AK5: variants seen among roughly 807,000 people sequenced by gnomAD.
The protein encoded by AK5 is adenylate kinase 5, also known as adenylate kinase isoenzyme 5.
AK5 carries 27 observed loss-of-function variants against 69.5 expected under a neutral mutation model. The observed-to-expected ratio is 0.39, with a 90% CI of 0.29 to 0.54. AK5 has a LOEUF of 0.54. Among genes scored for constraint, AK5 ranks in the 20% least tolerant of loss-of-function variants. The pLI, the probability that AK5 is intolerant of heterozygous loss-of-function variation, is 0.71. For synonymous variants in AK5, 260 were observed against 244.4 expected, an observed-to-expected ratio of 1.06 and a Z score of -0.60; for missense variants, 531 against 700.4, an observed-to-expected ratio of 0.76 and a Z score of 2.73.
At chr1:77,513,031 A>G (rs1657439199) in intron 10 of AK5, among the ~76,000 whole-genome samples, 1 of 152,206 alleles carries the variant, frequency 6.6e-6, no homozygotes, top group South Asian at 2.1e-4. Context: ...AGAAATTAAA[A>G]GATTGCTCTA....
intron 10 of AK5, among the ~76,000 whole-genome samples, chr1:77,511,790 G>C (rs1294795848): frequency 6.6e-6 from 1 of 152,206 alleles, no homozygotes; most frequent in Non-Finnish European, 1.5e-5. Flanking sequence ...TAGAACTGAA[G>C]TAGGGCAAAG....
At chr1:77,296,257 G>A (rs1011798037) in intron 3 of AK5, among the ~76,000 whole-genome samples, 2 of 152,042 alleles carry the variant, frequency 1.3e-5, no homozygotes. Flanking sequence ...GAACAGATAC[G>A]AATCTCTCTC....
chr1:77,509,896 G>T (rs1440746501), intron 10 of AK5, among the ~76,000 whole-genome samples: 1 of 152,146 alleles, frequency 6.6e-6, no homozygotes, highest in African/African-American at 2.4e-5. Flanking sequence ...GATGTTTATT[G>T]TGTGTTTCAC....
intron 10 of AK5, among the ~76,000 whole-genome samples, chr1:77,488,878 CT>C (rs1460696321): frequency 7.1e-6 from 1 of 141,700 alleles, no homozygotes; most frequent in Non-Finnish European, 1.5e-5. Flanking sequence ...AGGATCAATA[CT>C]TTGTATCCTT....
At chr1:77,453,331 T>A (rs544785929) in intron 8 of AK5, among the ~76,000 whole-genome samples, 12 of 152,360 alleles carry the variant, frequency 7.9e-5, no homozygotes, top group African/African-American at 2.6e-4. Context: ...GAATAAATAA[T>A]GTATTTGTAA....
At chr1:77,426,159 C>A (rs1651193245) in intron 8 of AK5, among the ~76,000 whole-genome samples, 1 of 152,134 alleles carries the variant, frequency 6.6e-6, no homozygotes, top group Non-Finnish European at 1.5e-5. Flanking sequence ...TTTCAGTGAT[C>A]TAAGCACACC....
chr1:77,385,424 G>T (rs1021172829), intron 6 of AK5, among the ~76,000 whole-genome samples: 1 of 152,142 alleles, frequency 6.6e-6, no homozygotes, highest in African/African-American at 2.4e-5. Flanking sequence ...CTCCCAAAGT[G>T]GTGGGATTAC....
chr1:77,478,494 C>G (rs1200254058), intron 8 of AK5, among the ~76,000 whole-genome samples: 1 of 152,196 alleles, frequency 6.6e-6, no homozygotes, highest in African/African-American at 2.4e-5. Context: ...ACTTGCTCCT[C>G]CTTCTCTTCC....
In AK5 at chr1:77,497,446, A is replaced by G. The variant is rs540134953; in HGVS notation, c.1147+11094A>G. Among the ~76,000 whole-genome samples, 8 of 152,362 alleles carry G rather than the reference A, an allele frequency of 5.3e-5. No homozygotes were observed. In the East Asian group the frequency reaches 7.7e-4, roughly 15 times the overall value. On this transcript the variant is annotated intron_variant, in intron 10 of 13. Transcript: ENST00000354567. The stretch of plus-strand genomic sequence containing the variant: ...ACACACCATCTTCATGAACTGTAAC[A>G]GTCACCACGAGGGTCCGTGGCTTCA...
At chr1:77,380,155 G>A (rs983626681) in intron 6 of AK5, among the ~76,000 whole-genome samples, 1 of 152,150 alleles carries the variant, frequency 6.6e-6, no homozygotes, top group African/African-American at 2.4e-5. Context: ...TCGGCAAGGT[G>A]GGATGCCAGA....
At chr1:77,541,429 A>T (rs752998387) in intron 13 of AK5, among the ~76,000 whole-genome samples, 2 of 152,246 alleles carry the variant, frequency 1.3e-5, no homozygotes, top group Admixed American at 6.5e-5. Flanking sequence ...AAGAAAAAAG[A>T]AACAAAGAAA....
chr1:77,307,709 A>C (rs942594102), intron 5 of AK5, among the ~76,000 whole-genome samples: 9 of 152,294 alleles, frequency 5.9e-5, no homozygotes, highest in Non-Finnish European at 1.3e-4. Flanking sequence ...GAGGTGTTGA[A>C]GTCTCCAATG....
chr1:77,470,875 A>ATTTTTTTT (rs149758544), intron 8 of AK5, among the ~76,000 whole-genome samples: 1 of 74,972 alleles, frequency 1.3e-5, no homozygotes, highest in African/African-American at 6.7e-5. Context: ...ATATATATAT[A>ATTTTTTTT]TTTTTTTTTT....
At chr1:77,325,224 C>G (rs1219951690) in intron 5 of AK5, among the ~76,000 whole-genome samples, 4 of 146,568 alleles carry the variant, frequency 2.7e-5, no homozygotes, top group African/African-American at 1.0e-4. Context: ...TCAGGCTGGT[C>G]TCAAGCTCCT....
intron 6 of AK5, among the ~76,000 whole-genome samples, chr1:77,364,352 A>G (rs1646915048): frequency 6.6e-6 from 1 of 152,200 alleles, no homozygotes; most frequent in South Asian, 2.1e-4. Context: ...GTCATTTCAA[A>G]CATTAATCAT....
chr1:77,321,470 C>T (rs1242575149), intron 5 of AK5, among the ~76,000 whole-genome samples: 1 of 149,768 alleles, frequency 6.7e-6, no homozygotes, highest in African/African-American at 2.5e-5. Flanking sequence ...GAGACTCCGT[C>T]TCAAAAAAAA....
intron 6 of AK5, among the ~76,000 whole-genome samples, chr1:77,350,745 C>T (rs1205464125): frequency 6.6e-6 from 1 of 152,116 alleles, no homozygotes; most frequent in Non-Finnish European, 1.5e-5. Context: ...CCCAGTTTAA[C>T]CATTTTGGTT....
At chr1:77,484,255 C>G (rs1655453585) in intron 9 of AK5, among the ~76,000 whole-genome samples, 1 of 151,744 alleles carries the variant, frequency 6.6e-6, no homozygotes, top group African/African-American at 2.4e-5. Flanking sequence ...GAATTTGGGA[C>G]TATCCAAAAA....
chr1:77,493,174 G>A (rs1481351363), intron 10 of AK5, among the ~76,000 whole-genome samples: 1 of 152,090 alleles, frequency 6.6e-6, no homozygotes, highest in Non-Finnish European at 1.5e-5. Flanking sequence ...TTGAATCAGT[G>A]GACTGAGTAA....
Sources: gnomAD v4.1 joint callset for allele counts (sites outside exome capture counted in the v4.1 genomes callset) on GRCh38, gnomAD v4.1.1 for gene constraint, MANE v1.5 for transcripts, NCBI Gene and HGNC (gene_info 2026-07-23, HGNC 2026-07-21) for gene names.